The following PLEKHA2 variants were observed in gnomAD, a reference collection of about 807,000 sequenced individuals.
PLEKHA2 encodes the protein pleckstrin homology domain containing A2, also known as pleckstrin homology domain-containing family A member 2.
In PLEKHA2, 28 loss-of-function variants were observed where a neutral mutation model predicts 53.2. The ratio of observed to expected loss-of-function variants is 0.53; its 90% CI spans 0.39 to 0.72. PLEKHA2 has a LOEUF of 0.72. PLEKHA2 is among the 30% of genes least tolerant of loss of function. The pLI is 0.00. For synonymous variants in PLEKHA2, 193 were observed against 196.4 expected (o/e 0.98, Z 0.14); for missense variants, 426 against 537.9 (o/e 0.79, Z 2.06).
At chr8:38,923,538 T>C (rs1368295310) in intron 2 of PLEKHA2, among the ~76,000 whole-genome samples, 1 of 152,232 alleles carries the variant, frequency 6.6e-6, no homozygotes, top group Non-Finnish European at 1.5e-5. Flanking sequence ...TTTTATCCTT[T>C]CATTTCCTGA....
At chr8:38,958,430 C>T (rs1432738658) in intron 10 of PLEKHA2, among the ~76,000 whole-genome samples, 3 of 152,214 alleles carry the variant, frequency 2.0e-5, no homozygotes, top group Admixed American at 1.3e-4. Flanking sequence ...GCTGCCCTTT[C>T]TTCTGGGCCT....
chr8:38,938,522 C>G (rs1466101450), intron 3 of PLEKHA2, among the ~76,000 whole-genome samples: 1 of 152,272 alleles, frequency 6.6e-6, no homozygotes, highest in Non-Finnish European at 1.5e-5. Context: ...GGGGCTGGCC[C>G]TAGCCGTGCC....
At chr8:38,948,995 T>C (rs1009831617) in intron 5 of PLEKHA2, among the ~76,000 whole-genome samples, 1 of 152,060 alleles carries the variant, frequency 6.6e-6, no homozygotes, top group Non-Finnish European at 1.5e-5. Context: ...CTCAGCCTCC[T>C]GAGTAGCTGG....
At chr8:38,940,832 A>G (rs903363620) in intron 3 of PLEKHA2, among the ~76,000 whole-genome samples, 7 of 151,894 alleles carry the variant, frequency 4.6e-5, no homozygotes, top group African/African-American at 1.5e-4. Flanking sequence ...GGTTTTTCGT[A>G]GGCTCTGTGG....
chr8:38,933,268 T>G (rs9792206), intron 2 of PLEKHA2, among the ~76,000 whole-genome samples: 107,907 of 151,696 alleles, frequency 0.71, 39,147 homozygotes, highest in Non-Finnish European at 0.76. Context: ...ATAGGAGGGG[T>G]TGGGCCCTCT....
intron 2 of PLEKHA2, among the ~76,000 whole-genome samples, 160 bp downstream of exon 2, chr8:38,918,230 A>C (rs1834097207): frequency 6.6e-6 from 1 of 151,552 alleles, no homozygotes; most frequent in Non-Finnish European, 1.5e-5. Context: ...ACACACACAA[A>C]TGCACATTCA....
At chr8:38,954,969 G>C (rs1834911553) in intron 9 of PLEKHA2, among the ~76,000 whole-genome samples, 1 of 152,212 alleles carries the variant, frequency 6.6e-6, no homozygotes, top group African/African-American at 2.4e-5. Context: ...GGGAGGCGGA[G>C]GTTGCAGTGA....
intron 1 of PLEKHA2, among the ~76,000 whole-genome samples, chr8:38,907,471 G>A (rs1357599425): frequency 1.3e-5 from 2 of 152,142 alleles, no homozygotes; most frequent in Non-Finnish European, 1.5e-5. Flanking sequence ...TACCTTTATA[G>A]CTTTTCTTTA....
At chr8:38,931,053 G>GC (rs1834384040) in intron 2 of PLEKHA2, among the ~76,000 whole-genome samples, 1 of 152,180 alleles carries the variant, frequency 6.6e-6, no homozygotes, top group Admixed American at 6.5e-5. Flanking sequence ...CAGGGCGGGC[G>GC]GATCACCTGA....
At chr8:38,932,338 G>A (rs1008226921) in intron 2 of PLEKHA2, among the ~76,000 whole-genome samples, 13 of 152,204 alleles carry the variant, frequency 8.5e-5, no homozygotes, top group Non-Finnish European at 8.8e-5. Flanking sequence ...AGATTCTGGT[G>A]TGCACCAAAG....
chr8:38,939,811 C>T (rs1834566640), intron 3 of PLEKHA2, among the ~76,000 whole-genome samples: 1 of 152,162 alleles, frequency 6.6e-6, no homozygotes, highest in African/African-American at 2.4e-5. Flanking sequence ...GTAGGTTGGG[C>T]ATAGTGACTC....
intron 2 of PLEKHA2, among the ~76,000 whole-genome samples, chr8:38,927,327 C>T (rs1834306387): frequency 6.6e-6 from 1 of 152,028 alleles, no homozygotes; most frequent in Non-Finnish European, 1.5e-5. Flanking sequence ...AAGACCCCAT[C>T]TCTACAAAAA....
chr8:38,936,932 C>G (rs986338746), intron 3 of PLEKHA2, among the ~76,000 whole-genome samples: 1 of 152,214 alleles, frequency 6.6e-6, no homozygotes, highest in Non-Finnish European at 1.5e-5. Context: ...CCTCTTCTGC[C>G]CTGCACATCC....
Position 38,971,982 on chromosome 8 carries a change from A to G in PLEKHA2, c.*2199A>G, listed in dbSNP as rs1321610573. On this transcript the variant is annotated 3_prime_UTR_variant, in exon 12 of 12. Transcript: ENST00000617275. ...TTATCTGATAGGTTACTATTGCTAA[A>G]TTAATTGGCCATTATAATAAGCTGA... is the stretch of plus-strand genomic sequence containing the variant. The G allele has an allele frequency of 1.3e-5, 2 of 152,222 alleles. No individual in the cohort carries two copies. Among genetic ancestry groups the G allele is most frequent in the African/African-American group, 4.8e-5 (2 of 41,472 alleles). The allele number at this position is 152,222 out of a possible 1,614,324, so 9.4% of individuals were successfully genotyped here.
In PLEKHA2 at chr8:38,934,247, C is replaced by T. The variant is rs765757599; in HGVS notation, c.142-1747C>T. Among the ~76,000 whole-genome samples, 229 of 152,252 alleles carry T rather than the reference C, an allele frequency of 1.5e-3. 2 individuals carry two copies. The highest frequency in any genetic ancestry group is 0.01 in the Middle Eastern group (3 of 294). ...AGTCCTGGTCTCAAGCAGTCCCAGC[C>T]TCCCAAAGTGCTGAGATTACAGGTG... On this transcript the variant is annotated intron_variant, in intron 2 of 11. Transcript: ENST00000617275.
At chr8:38,955,842 TAG>T (rs1378964075) in intron 9 of PLEKHA2, among the ~76,000 whole-genome samples, 3 of 152,228 alleles carry the variant, frequency 2.0e-5, no homozygotes, top group Admixed American at 6.5e-5. Flanking sequence ...GTTGTTGAGA[TAG>T]AGTCTTGCTC....
At chr8:38,950,091 G>C (rs1015047299) in intron 5 of PLEKHA2, among the ~76,000 whole-genome samples, 1 of 152,126 alleles carries the variant, frequency 6.6e-6, no homozygotes, top group Non-Finnish European at 1.5e-5. Flanking sequence ...ACCTAGCCTG[G>C]AGTACAGTGG....
chr8:38,921,021 G>A (rs539769404), intron 2 of PLEKHA2, among the ~76,000 whole-genome samples: 1 of 152,130 alleles, frequency 6.6e-6, no homozygotes, highest in East Asian at 1.9e-4. Flanking sequence ...GGCTGGTCTT[G>A]AACTCCTGAC....
intron 1 of PLEKHA2, among the ~76,000 whole-genome samples, chr8:38,914,274 TC>T (rs1833998882): frequency 1.3e-5 from 2 of 152,262 alleles, no homozygotes; most frequent in African/African-American, 4.8e-5. Flanking sequence ...GTCACTGGTA[TC>T]CATATGTGTG....
Sources: allele counts gnomAD v4.1 joint callset (sites outside exome capture counted in the v4.1 genomes callset), GRCh38; gene constraint gnomAD v4.1.1; transcripts MANE v1.5; gene names NCBI Gene and HGNC (gene_info 2026-07-23, HGNC 2026-07-21).